ACSL3: variants seen among roughly 807,000 people sequenced by gnomAD.
The protein encoded by ACSL3 is acyl-CoA synthetase long chain family member 3.
Under a neutral mutation model 84.7 loss-of-function variants are expected in ACSL3, and 34 were observed. The observed-to-expected ratio is 0.40, with a 90% CI of 0.31 to 0.53. The LOEUF is 0.53. Ranked by LOEUF, ACSL3 falls within the 20% of genes least tolerant of loss-of-function variation. The pLI is 0.48. For missense variants in ACSL3, 680 were observed against 873.1 expected (o/e 0.78, Z 2.79); for synonymous variants, 315 against 299.4 (o/e 1.05, Z -0.54).
intron 14 of ACSL3, 42 bp downstream of exon 14, chr2:222,930,854 A>T: frequency 6.5e-7 from 1 of 1,531,092 alleles, no homozygotes; most frequent in Non-Finnish European, 8.9e-7. Flanking sequence ...TGTTTCTGAA[A>T]TAGTTTACAC....
intron 7 of ACSL3, among the ~76,000 whole-genome samples, chr2:222,920,752 A>C (rs1307620242): frequency 6.6e-6 from 1 of 152,300 alleles, no homozygotes; most frequent in East Asian, 1.9e-4. Flanking sequence ...GTGGCCTTTG[A>C]GGTCCTATGT....
chr2:222,879,437 C>T (rs1559279101), intron 1 of ACSL3, among the ~76,000 whole-genome samples: 1 of 152,238 alleles, frequency 6.6e-6, no homozygotes, highest in Non-Finnish European at 1.5e-5. Context: ...TTCCAGCGAT[C>T]TCAGGCTACT....
rs565393685 is a variant in ACSL3, at chr2:222,881,670, C to A, written c.-206-6160C>A. ...TAGCTGGGATTACAGGCATGCGCCA[C>A]CACCCCTAGCTAATTTTGTATTTTT... On this transcript the variant is annotated intron_variant, in intron 1 of 16. Transcript: ENST00000357430. 2.6e-5 allele frequency among the ~76,000 whole-genome samples: 4 copies of A among 152,312 alleles called. No individual in the cohort carries two copies. In the East Asian group the frequency reaches 5.8e-4, roughly 22 times the overall value.
At chr2:222,934,712 T>A (rs763018793) in intron 16 of ACSL3, 25 bp downstream of exon 16, 3 of 1,598,986 alleles carry the variant, frequency 1.9e-6, no homozygotes, top group Admixed American at 3.5e-5. Context: ...AAACTGATAC[T>A]AAAAACTGAG....
At chr2:222,883,273 C>T (rs1281710453) in intron 1 of ACSL3, among the ~76,000 whole-genome samples, 4 of 151,496 alleles carry the variant, frequency 2.6e-5, no homozygotes, top group Admixed American at 6.6e-5. Flanking sequence ...CTCCCCCTCC[C>T]GGGTTCAAGC....
intron 15 of ACSL3, 146 bp from the exon 16 acceptor site, chr2:222,934,384 G>A (rs1157170759): frequency 3.7e-6 from 2 of 543,604 alleles, no homozygotes; most frequent in African/African-American, 3.9e-5. Context: ...ACTGGCGGTT[G>A]CATGAAATGG....
At chr2:222,935,050 A>G (rs1697136364) in intron 16 of ACSL3, among the ~76,000 whole-genome samples, 1 of 152,232 alleles carries the variant, frequency 6.6e-6, no homozygotes, top group African/African-American at 2.4e-5. Flanking sequence ...GAGTACTGGT[A>G]GTTGGTTGTA....
In ACSL3 at chr2:222,867,847, C is replaced by T. The variant is rs191090055; in HGVS notation, c.-207+6589C>T. On this transcript the variant is annotated intron_variant, in intron 1 of 16. Coordinates refer to ENST00000357430, the MANE Select transcript of ACSL3 (RefSeq NM_004457.5). ...CTGTTCTTCACATTTTTGTCTCGGC[C>T]TTCCTCTAATCGTTTCATTATTTGA... 2.6e-5 allele frequency among the ~76,000 whole-genome samples: 4 copies of T among 152,142 alleles called. No individual in the cohort carries two copies. In the East Asian group the frequency reaches 7.7e-4, roughly 29 times the overall value.
intron 1 of ACSL3, among the ~76,000 whole-genome samples, chr2:222,874,030 A>AT (rs933862267): frequency 8.0e-5 from 12 of 150,566 alleles, no homozygotes; most frequent in East Asian, 3.9e-4. Flanking sequence ...TTTTATTTTT[A>AT]TTTTTTTTTG....
intron 3 of ACSL3, among the ~76,000 whole-genome samples, chr2:222,901,980 T>G (rs970983571): frequency 1.5e-5 from 2 of 129,656 alleles, no homozygotes; most frequent in Non-Finnish European, 3.2e-5. Context: ...CAAATATTGT[T>G]GAGGTAGCAA....
intron 1 of ACSL3, among the ~76,000 whole-genome samples, chr2:222,864,576 G>C (rs1247494520): frequency 6.6e-6 from 1 of 152,186 alleles, no homozygotes; most frequent in African/African-American, 2.4e-5. Flanking sequence ...TAGCAACATG[G>C]AGGTCACTGG....
intron 11 of ACSL3, among the ~76,000 whole-genome samples, chr2:222,926,773 C>T (rs978814742): frequency 1.3e-5 from 2 of 152,166 alleles, no homozygotes; most frequent in Middle Eastern, 3.4e-3. Context: ...CAAAACTAAA[C>T]CTGACAATTC....
At chr2:222,916,197 TAAA>T (rs1246825312) in intron 4 of ACSL3, 119 bp from the exon 5 acceptor site, 1 of 619,100 alleles carries the variant, frequency 1.6e-6, no homozygotes, top group Non-Finnish European at 2.4e-6. Flanking sequence ...GGCTTTTTAT[TAAA>T]AAGATAATTC....
At chr2:222,908,710 G>T in intron 3 of ACSL3, 23 bp from the exon 4 acceptor site, 3 of 1,400,118 alleles carry the variant, frequency 2.1e-6, no homozygotes, top group Non-Finnish European at 2.9e-6. Context: ...TTGAACTAAC[G>T]CCTTTCTTTT....
At chr2:222,926,251 A>G (rs1184870488) in intron 11 of ACSL3, among the ~76,000 whole-genome samples, 2 of 152,202 alleles carry the variant, frequency 1.3e-5, no homozygotes, top group Non-Finnish European at 2.9e-5. Flanking sequence ...TTATGCAAAT[A>G]CTATGCCGTT....
intron 1 of ACSL3, among the ~76,000 whole-genome samples, chr2:222,884,179 TC>T (rs1176400158): frequency 6.6e-6 from 1 of 152,206 alleles, no homozygotes; most frequent in African/African-American, 2.4e-5. Flanking sequence ...AGTTTCTTTT[TC>T]CACAAATAAA....
chr2:222,941,232 A>C (rs1055103455), intron 16 of ACSL3, among the ~76,000 whole-genome samples: 1 of 152,080 alleles, frequency 6.6e-6, no homozygotes, highest in African/African-American at 2.4e-5. Flanking sequence ...GCCTGGCTCT[A>C]ACTCGTTTTC....
intron 3 of ACSL3, among the ~76,000 whole-genome samples, chr2:222,904,008 C>G (rs1696226942): frequency 1.3e-5 from 2 of 152,110 alleles, no homozygotes; most frequent in Admixed American, 6.5e-5. Context: ...GGCGCGGTGG[C>G]TCACGCCTGT....
Position 222,908,850 on chromosome 2 carries a change from A to G in ACSL3, c.78A>G (p.Ile26Met). The change falls in exon 4 of 17, where the codon ATA becomes ATG. Residue 26 changes from isoleucine to methionine, a missense_variant. By Grantham distance (10) the Ile-to-Met change is conservative (BLOSUM62 1). Around this residue, in one of 2 missense-constraint regions of ACSL3, gnomAD observed 333 missense variants for 347.5 expected, o/e 0.96. Coordinates refer to ENST00000357430, the MANE Select transcript of ACSL3 (RefSeq NM_004457.5). ...TCAACCCTATTCTTTTATATTTTAT[A>G]CATTTTCTAATATCACTTTATACTA... ...HTINPILLYF[I>M]HFLISLYTIL... The G allele has an allele frequency of 6.2e-7, 1 of 1,604,458 alleles. No homozygotes were observed. The highest frequency in any genetic ancestry group is 8.5e-7 in the Non-Finnish European group (1 of 1,173,872).
Sources: gnomAD v4.1 joint callset for allele counts (sites outside exome capture counted in the v4.1 genomes callset) on GRCh38, gnomAD v4.1.1 for gene constraint, gnomAD v4.1.1 regional missense constraint, MANE v1.5 for transcripts, NCBI Gene and HGNC (gene_info 2026-07-23, HGNC 2026-07-21) for gene names.